SIGLEC1: variants seen among roughly 807,000 people sequenced by gnomAD.
SIGLEC1 encodes sialoadhesin.
In SIGLEC1, 132 loss-of-function variants were observed where a neutral mutation model predicts 148.0. The observed-to-expected ratio is 0.89, with a 90% CI of 0.77 to 1.03. The LOEUF is 1.03. Among genes scored for constraint, SIGLEC1 ranks in the 50% least tolerant of loss-of-function variants. SIGLEC1 has a pLI of 0.00. For missense variants in SIGLEC1, 2,253 were observed against 2,271.4 expected, an observed-to-expected ratio of 0.99 and a Z score of 0.16; for synonymous variants, 945 against 969.0, an observed-to-expected ratio of 0.98 and a Z score of 0.46.
intron 1 of SIGLEC1, among the ~76,000 whole-genome samples, chr20:3,709,619 C>A (rs1351796321): frequency 6.6e-6 from 1 of 152,136 alleles, no homozygotes; most frequent in Non-Finnish European, 1.5e-5. Context: ...ACAGAGTACA[C>A]CAATGTTCAC....
In SIGLEC1 at chr20:3,697,147, G is replaced by A; in HGVS notation, c.2318C>T (p.Ala773Val). Residue 773 changes from alanine to valine, a missense_variant, in exon 10 of 22, where the codon GCC (alanine) becomes GTC (valine). Coordinates refer to ENST00000344754, the MANE Select transcript of SIGLEC1 (RefSeq NM_023068.4). ...ACCAGCCTCAGTCAGGATGCGGCAG[G>A]CGTAAAGGGCAGCATCAGTTCTGGC... ...PVARTDAALY[A>V]CRILTEAGAQ... The A allele has an allele frequency of 6.2e-7, 1 of 1,613,720 alleles. No individual in the cohort carries two copies. The highest frequency in any genetic ancestry group is 8.5e-7 in the Non-Finnish European group (1 of 1,180,034).
rs1568846087 is a variant in SIGLEC1 at position 3,703,843 on chromosome 20, T to C, written c.955A>G (p.Ile319Val). The change falls in exon 5 of 22, where the codon ATC becomes GTC. Residue 319 changes from isoleucine (I) to valine (V), a missense_variant. Ile to Val is a conservative substitution (Grantham distance 29). Coordinates refer to ENST00000344754, the MANE Select transcript of SIGLEC1 (RefSeq NM_023068.4). ...AACTCACTGAAGATGTGGAGGCTGA[T>C]GGGGGGTGAGACCAAAGAGCCCACG... Reference protein sequence around the residue: ...NGVGSLVSPPISLHIFMAEVQ... With the variant: ...NGVGSLVSPPVSLHIFMAEVQ... The C allele has an allele frequency of 6.2e-7, 1 of 1,613,942 alleles. No individual in the cohort carries two copies. The highest frequency in any genetic ancestry group is 1.7e-5 in the Admixed American group (1 of 60,014).
rs671650 is a variant in SIGLEC1 at position 3,688,518 on chromosome 20, T to G, written c.*42A>C. On this transcript the variant is annotated 3_prime_UTR_variant, in exon 22 of 22. Transcript: ENST00000344754. ...ATTCATAGGCTGGAGTCATCACAGA[T>G]TCTGGCCACTTTCTCCTCCGGAGGG... The G allele has an allele frequency of 0.011, 16,141 of 1,509,998 alleles. 196 individuals are homozygous for G. Among genetic ancestry groups the G allele is most frequent in the African/African-American group, 0.061 (4,445 of 72,668 alleles). 93.5% of individuals were successfully genotyped at this position (1,509,998 alleles called of 1,614,324 possible).
intron 4 of SIGLEC1, 24 bp downstream of exon 4, chr20:3,705,720 A>G: frequency 1.3e-6 from 2 of 1,583,508 alleles, no homozygotes; most frequent in Non-Finnish European, 1.7e-6. Flanking sequence ...CTCAGCCACA[A>G]GGGTGTGTCC....
At chr20:3,691,731 A>C (rs1299097413) in intron 17 of SIGLEC1, 131 bp from the exon 18 acceptor site, 2 of 1,365,454 alleles carry the variant, frequency 1.5e-6, no homozygotes, top group Admixed American at 4.6e-5. Context: ...GGGCTTTCCA[A>C]GGTGGAACCA....
At chr20:3,711,846 G>A (rs1031253295) in intron 1 of SIGLEC1, among the ~76,000 whole-genome samples, 3 of 152,304 alleles carry the variant, frequency 2.0e-5, no homozygotes, top group Non-Finnish European at 2.9e-5. Flanking sequence ...GTGGACGGAC[G>A]AAGTGGTGAT....
At position 3,692,786 on chromosome 20, in the gene SIGLEC1, G is replaced by A; in HGVS notation, c.3779-14C>T. On this transcript the variant is annotated splice_polypyrimidine_tract_variant and intron_variant, in intron 15 of 21. Transcript: ENST00000344754. ...TCACCCGCACACCTGTGCCAAGGAG[G>A]CCAGGATCAGCCGGGCCCAGCCGGA... The A allele has an allele frequency of 6.2e-7, 1 of 1,604,788 alleles. No homozygotes were observed. The highest frequency in any genetic ancestry group is 8.5e-7 in the Non-Finnish European group (1 of 1,175,680).
chr20:3,703,688 T>C, intron 5 of SIGLEC1, 137 bp downstream of exon 5: 1 of 1,236,708 alleles, frequency 8.1e-7, no homozygotes, highest in Non-Finnish European at 1.1e-6. Flanking sequence ...AAGGCAGGGC[T>C]GGGACTCCAC....
At chr20:3,689,031 C>G (rs1357893836) in intron 21 of SIGLEC1, 124 bp downstream of exon 21, 1 of 847,170 alleles carries the variant, frequency 1.2e-6, no homozygotes, top group Non-Finnish European at 2.0e-6. Flanking sequence ...TGGTTCCCTG[C>G]ACACTCTCCC....
Position 3,701,349 on chromosome 20 carries a change from A to T in SIGLEC1, c.1521T>A (p.His507Gln), listed in dbSNP as rs749070024. 4 of 1,607,778 alleles carry T rather than the reference A, an allele frequency of 2.5e-6. No individual in the cohort carries two copies. The change falls in exon 7 of 22, where the codon CAT (histidine) becomes CAA (glutamine). Residue 507 changes from histidine to glutamine, a missense_variant. Coordinates refer to ENST00000344754, the MANE Select transcript of SIGLEC1 (RefSeq NM_023068.4). ...LGNATSTLDF[H>Q]ANAARLLISP... ...TGCCAGTGCCCATCTTACCATTGGC[A>T]TGGAAGTCCAGGGTGGAGGTTGCAT...
At position 3,699,276 on chromosome 20, in the gene SIGLEC1, C is replaced by A. The variant is rs369185886; in HGVS notation, c.1712G>T (p.Gly571Val). 6.2e-7 allele frequency: 1 copy of A among 1,608,848 alleles called. No homozygotes were observed. The highest frequency in any genetic ancestry group is 1.7e-5 in the Admixed American group (1 of 59,380). Residue 571 changes from glycine to valine, a missense_variant, in exon 8 of 22, where the codon GGC (glycine) becomes GTC (valine). Coordinates refer to ENST00000344754, the MANE Select transcript of SIGLEC1 (RefSeq NM_023068.4). Reference protein sequence around the residue: ...LLPAASSTDAGSYHCRARDGH... With the variant: ...LLPAASSTDAVSYHCRARDGH... The stretch of plus-strand genomic sequence containing the variant: ...GTCCCGGGCCCGGCAGTGGTATGAG[C>A]CGGCGTCAGTGCTGGAGGCCGCGGG...
At position 3,690,572 on chromosome 20, in the gene SIGLEC1, C is replaced by G. The variant is rs56194059; in HGVS notation, c.4592-308G>C. 1.0e-2 allele frequency among the ~76,000 whole-genome samples: 1,517 copies of G among 152,362 alleles called. 23 individuals are homozygous for G. Among genetic ancestry groups the G allele is most frequent in the African/African-American group, 0.035 (1,457 of 41,584 alleles). ...GCCAGGAGCGTGCAGTCATCTGAGA[C>G]CACTGGGCAACTGCAGCCACATGAG... On this transcript the variant is annotated intron_variant, in intron 18 of 21. Transcript: ENST00000344754.
intron 1 of SIGLEC1, among the ~76,000 whole-genome samples, chr20:3,709,246 G>A (rs1443383972): frequency 6.6e-6 from 1 of 151,962 alleles, no homozygotes; most frequent in East Asian, 1.9e-4. Context: ...CTCCAAAAAT[G>A]GGCAAAACAC....
In SIGLEC1 at chr20:3,693,456, C is replaced by A. The variant is rs2088786342; in HGVS notation, c.3499G>T (p.Asp1167Tyr). 1 of 1,581,016 alleles carries A rather than the reference C, an allele frequency of 6.3e-7. No homozygotes were observed. ...ATCCAGCCAGACTCACAGAGGACGTCCAAGGTGATAGGTCTGGAGAGGCGG... is the reference window on the plus strand; with the variant it reads ...ATCCAGCCAGACTCACAGAGGACGTACAAGGTGATAGGTCTGGAGAGGCGG... Reference protein sequence around the residue: ...APRLSRPITLDVLYAPRNLRL... With the variant: ...APRLSRPITLYVLYAPRNLRL... The change falls in exon 14 of 22, where the codon GAC becomes TAC. Residue 1167 changes from aspartate (D) to tyrosine (Y), a missense_variant. By Grantham distance (160) the Asp-to-Tyr change is radical. Coordinates refer to ENST00000344754, the MANE Select transcript of SIGLEC1 (RefSeq NM_023068.4).
In SIGLEC1 at chr20:3,703,900, C is replaced by G; in HGVS notation, c.898G>C (p.Ala300Pro). ...LHLPQAAWSD[A>P]GVYTCQAENG... ...TCAGCTTGGCAGGTGTAGACGCCAG[C>G]ATCGCTCCAGGCTGCCTGGGGCAGG... Residue 300 changes from alanine (A) to proline (P), a missense_variant, in exon 5 of 22, where the codon GCT becomes CCT. By Grantham distance (27) the Ala-to-Pro change is conservative (BLOSUM62 -1). Transcript: ENST00000344754. The G allele has an allele frequency of 5.0e-6, 8 of 1,614,062 alleles. No homozygotes were observed. The highest frequency in any genetic ancestry group is 6.8e-6 in the Non-Finnish European group (8 of 1,180,016).
Position 3,694,917 on chromosome 20 carries a change from C to T in SIGLEC1, c.2690G>A (p.Trp897Ter), listed in dbSNP as rs2088808039. The change falls in exon 12 of 22, where the codon TGG becomes TAG. Residue 897 changes from tryptophan to a stop codon, truncating the protein, a stop_gained. Coordinates refer to ENST00000344754, the MANE Select transcript of SIGLEC1 (RefSeq NM_023068.4). LOFTEE classifies it high-confidence loss of function. ...TSLFFQVRGA[W>*]VQVSPSPELQ... Reference sequence around the variant, plus strand: ...CTCAGGTGATGGTGACACCTGGACCCAGGCTCCTGCAGGGGAAAACCAAGA... The same window carrying T: ...CTCAGGTGATGGTGACACCTGGACCTAGGCTCCTGCAGGGGAAAACCAAGA... 1.2e-6 allele frequency: 2 copies of T among 1,609,920 alleles called. No individual in the cohort carries two copies. Among genetic ancestry groups the T allele is most frequent in the Middle Eastern group, 1.7e-4 (1 of 6,044 alleles).
intron 18 of SIGLEC1, among the ~76,000 whole-genome samples, chr20:3,690,769 C>T (rs567458321): frequency 7.0e-4 from 107 of 151,920 alleles, no homozygotes; most frequent in African/African-American, 2.4e-3. Context: ...GAGGGCTTAT[C>T]GTGTGCCAGA....
At position 3,705,766 on chromosome 20, in the gene SIGLEC1, GCT is replaced by G; in HGVS notation, c.682_683del (p.Ser228ArgfsTer28). The G allele has an allele frequency of 6.2e-7, 1 of 1,611,706 alleles. No individual in the cohort carries two copies. The highest frequency in any genetic ancestry group is 8.5e-7 in the Non-Finnish European group (1 of 1,178,382). Reference sequence around the variant, plus strand: ...CACACTTCACTTGGAGGTGAATCTCGCTCTGAGCCCTGTGATTGGCCACGGAG... The same window carrying G: ...CACACTTCACTTGGAGGTGAATCTCGCTGAGCCCTGTGATTGGCCACGGAG... The part of the protein sequence containing the change: ...QLSVANHRAQ[S>X]EIHLQVKYAP... On this transcript the variant is annotated frameshift_variant, in exon 4 of 22. Transcript: ENST00000344754. LOFTEE classifies it high-confidence loss of function.
At chr20:3,701,796 T>A (rs558982496) in intron 6 of SIGLEC1, among the ~76,000 whole-genome samples, 155 bp from the exon 7 acceptor site, 23 of 152,320 alleles carry the variant, frequency 1.5e-4, no homozygotes, top group African/African-American at 5.5e-4. Flanking sequence ...AATACACTTT[T>A]GTCCTTGGCT....
Sources: allele counts gnomAD v4.1 joint callset (sites outside exome capture counted in the v4.1 genomes callset), GRCh38; gene constraint gnomAD v4.1.1; transcripts MANE v1.5; gene names NCBI Gene and HGNC (gene_info 2026-07-23, HGNC 2026-07-21).